GRM8: variants seen among roughly 807,000 people sequenced by gnomAD.
GRM8 encodes glutamate metabotropic receptor 8.
A neutral mutation model predicts 87.2 loss-of-function variants in GRM8; 47 were observed. That is an observed-to-expected ratio of 0.54 (90% CI 0.43 to 0.69). The LOEUF is 0.69. Ranked by LOEUF, GRM8 falls within the 30% of genes least tolerant of loss-of-function variation. The probability of loss-of-function intolerance (pLI) is 0.00; values close to 1 mark genes in which losing one functional copy is unlikely to be tolerated. For synonymous variants in GRM8, 396 were observed against 404.5 expected (o/e 0.98, Z 0.25); for missense variants, 1,019 against 1,139.2 (o/e 0.89, Z 1.52).
intron 6 of GRM8, among the ~76,000 whole-genome samples, chr7:126,865,854 A>C (rs1008739247): frequency 6.6e-6 from 1 of 152,104 alleles, no homozygotes; most frequent in Non-Finnish European, 1.5e-5. Flanking sequence ...ACTTGTTTCC[A>C]CTTTTTGGCT....
intron 2 of GRM8, among the ~76,000 whole-genome samples, chr7:127,172,255 A>G (rs541633254): frequency 3.5e-4 from 54 of 152,284 alleles, no homozygotes; most frequent in African/African-American, 1.2e-3. Context: ...TATTACTGTC[A>G]TAAACCAATA....
intron 6 of GRM8, among the ~76,000 whole-genome samples, chr7:126,821,906 T>C (rs1428490113): frequency 6.6e-6 from 1 of 152,180 alleles, no homozygotes; most frequent in Non-Finnish European, 1.5e-5. Context: ...CTCCTTAGTC[T>C]CCTATAATCC....
intron 7 of GRM8, among the ~76,000 whole-genome samples, chr7:126,621,842 C>A (rs1016444853): frequency 3.3e-5 from 5 of 152,162 alleles, no homozygotes; most frequent in Admixed American, 2.6e-4. Flanking sequence ...TTGGACACCA[C>A]CTTCCATCCT....
chr7:126,994,796 G>T (rs1284276359), intron 3 of GRM8, among the ~76,000 whole-genome samples: 1 of 152,056 alleles, frequency 6.6e-6, no homozygotes, highest in African/African-American at 2.4e-5. Flanking sequence ...AGCATCTCTA[G>T]ACCTGCATGG....
At chr7:127,030,593 G>C (rs1346193239) in intron 3 of GRM8, among the ~76,000 whole-genome samples, 1 of 152,026 alleles carries the variant, frequency 6.6e-6, no homozygotes, top group Non-Finnish European at 1.5e-5. Flanking sequence ...ACCTAGAACA[G>C]TGTCTGACAC....
chr7:126,537,277 C>A (rs1447059288), intron 8 of GRM8, among the ~76,000 whole-genome samples: 3 of 151,812 alleles, frequency 2.0e-5, no homozygotes, highest in Middle Eastern at 3.4e-3. Context: ...GTTAAATATG[C>A]ATGCTAAATA....
At chr7:126,921,071 T>C (rs1398685762) in intron 3 of GRM8, among the ~76,000 whole-genome samples, 1 of 152,112 alleles carries the variant, frequency 6.6e-6, no homozygotes, top group African/African-American at 2.4e-5. Context: ...GAGGAGCCTT[T>C]ACCGTGAAAG....
At position 127,046,358 on chromosome 7, in the gene GRM8, C is replaced by T. The variant is rs975265090; in HGVS notation, c.727+60138G>A. 9.3e-5 allele frequency among the ~76,000 whole-genome samples: 14 copies of T among 150,950 alleles called. No individual in the cohort carries two copies. The South Asian group carries it at 1.7e-3, about 18-fold the overall frequency. ...CTGCACTCCAGCCTGGGCAACAGAG[C>T]GAGACTCTGTCTCAAAAAAAATAAA... On this transcript the variant is annotated intron_variant, in intron 3 of 10. Transcript: ENST00000339582.
intron 3 of GRM8, among the ~76,000 whole-genome samples, chr7:127,040,005 AGGAGGGAGG>A (rs1818252817): frequency 1.3e-4 from 7 of 54,214 alleles, no homozygotes; most frequent in African/African-American, 2.2e-4. Flanking sequence ...GGGGAGGGTG[AGGAGGGAGG>A]GGAGGGTGAG....
At chr7:126,589,881 GC>G (rs1324113858) in intron 8 of GRM8, among the ~76,000 whole-genome samples, 1 of 152,080 alleles carries the variant, frequency 6.6e-6, no homozygotes, top group Non-Finnish European at 1.5e-5. Context: ...CTGAACAGAA[GC>G]CCTTGAGCCC....
intron 2 of GRM8, among the ~76,000 whole-genome samples, chr7:127,236,136 A>T (rs13227115): frequency 3.3e-5 from 5 of 151,810 alleles, no homozygotes; most frequent in Admixed American, 6.6e-5. Context: ...ATCATCTCAC[A>T]TTTTTTTTGG....
intron 9 of GRM8, among the ~76,000 whole-genome samples, chr7:126,446,972 A>T (rs1196751295): frequency 6.6e-6 from 1 of 151,926 alleles, no homozygotes; most frequent in Non-Finnish European, 1.5e-5. Context: ...TCTCAGTGAT[A>T]GCATCATATC....
At chr7:126,713,431 C>G (rs1362638790) in intron 7 of GRM8, among the ~76,000 whole-genome samples, 2 of 152,048 alleles carry the variant, frequency 1.3e-5, no homozygotes, top group African/African-American at 2.4e-5. Flanking sequence ...GAACATTACA[C>G]ACCAGGCCTG....
At chr7:126,694,536 C>T (rs1809171814) in intron 7 of GRM8, among the ~76,000 whole-genome samples, 2 of 152,090 alleles carry the variant, frequency 1.3e-5, no homozygotes, top group African/African-American at 4.8e-5. Flanking sequence ...GTTACTTACT[C>T]AATTTTTTTC....
chr7:126,960,336 G>GA (rs1320020908), intron 3 of GRM8, among the ~76,000 whole-genome samples: 1 of 151,990 alleles, frequency 6.6e-6, no homozygotes, highest in Non-Finnish European at 1.5e-5. Context: ...AAATCCAGGG[G>GA]AAAAAAATAC....
chr7:126,592,545 A>G (rs1796783486), intron 8 of GRM8, among the ~76,000 whole-genome samples: 1 of 152,064 alleles, frequency 6.6e-6, no homozygotes, highest in Non-Finnish European at 1.5e-5. Flanking sequence ...GATCATTTCA[A>G]TAGATGCAGA....
At chr7:127,037,832 C>CATGTGT (rs372219560) in intron 3 of GRM8, among the ~76,000 whole-genome samples, 10 of 147,428 alleles carry the variant, frequency 6.8e-5, no homozygotes, top group African/African-American at 2.5e-4. Context: ...CATGCGCATC[C>CATGTGT]GTGTGTGTGT....
chr7:126,708,870 A>G (rs1394465210), intron 7 of GRM8, among the ~76,000 whole-genome samples: 1 of 152,080 alleles, frequency 6.6e-6, no homozygotes, highest in Non-Finnish European at 1.5e-5. Context: ...TCAAAATTTT[A>G]GACAGGAAGA....
chr7:126,691,267 A>C (rs1356502368), intron 7 of GRM8, among the ~76,000 whole-genome samples: 1 of 152,168 alleles, frequency 6.6e-6, no homozygotes, highest in Non-Finnish European at 1.5e-5. Context: ...GTGTGCATGC[A>C]TGCACCTGGC....
Sources: allele counts gnomAD v4.1 joint callset (sites outside exome capture counted in the v4.1 genomes callset), GRCh38; gene constraint gnomAD v4.1.1; transcripts MANE v1.5; gene names NCBI Gene and HGNC (gene_info 2026-07-23, HGNC 2026-07-21).